Variants in DNAH8 observed in about 807,000 individuals in gnomAD.
DNAH8 encodes the protein dynein axonemal heavy chain 8.
A neutral mutation model predicts 562.1 loss-of-function variants in DNAH8; 382 were observed. The observed-to-expected ratio is 0.68, with a 90% CI of 0.63 to 0.74. The LOEUF (loss-of-function observed/expected upper bound fraction) is 0.74. Ranked by LOEUF, DNAH8 falls within the 30% of genes least tolerant of loss-of-function variation. DNAH8 has a pLI of 0.00. For missense variants in DNAH8, 5,203 were observed against 5,620.4 expected (o/e 0.93, Z 2.37); for synonymous variants, 1,881 against 1,919.4 (o/e 0.98, Z 0.52).
At chr6:38,842,627 A>G (rs774222061) in intron 34 of DNAH8, 36 bp from the exon 35 acceptor site, 10 of 1,601,114 alleles carry the variant, frequency 6.2e-6, no homozygotes, top group Non-Finnish European at 8.5e-6. Context: ...AATAAATGTG[A>G]AGGTGGCATA....
chr6:38,964,414 C>G (rs534459353), intron 82 of DNAH8, among the ~76,000 whole-genome samples: 1 of 141,848 alleles, frequency 7.0e-6, no homozygotes, highest in Non-Finnish European at 1.5e-5. Flanking sequence ...GGGCTCCTCA[C>G]TTCCCAGTAG....
Position 39,012,221 on chromosome 6 carries a change from T to A in DNAH8, c.13378T>A (p.Ser4460Thr), listed in dbSNP as rs1488366198. The A allele has an allele frequency of 3.1e-6, 5 of 1,602,278 alleles. No homozygotes were observed. The African/African-American group carries it at 4.0e-5, about 13-fold the overall frequency. Residue 4460 changes from serine to threonine, a missense_variant, in exon 90 of 93, where the codon TCT becomes ACT. Transcript: ENST00000327475. ...ATTGTTTACTTTGTTTTAGGTGAAA[T>A]CTCGTTTGATAAAGATGGGCCATCT... is the stretch of plus-strand genomic sequence containing the variant. ...PPDYIPHEVK[S>T]RLIKMGHLNS...
At chr6:38,903,109 G>A (rs1404325463) in intron 62 of DNAH8, among the ~76,000 whole-genome samples, 2 of 152,120 alleles carry the variant, frequency 1.3e-5, no homozygotes. Flanking sequence ...GGAGCAATAG[G>A]CCATTCCATA....
chr6:38,954,906 TTTAAAAC>T (rs1380931191), intron 82 of DNAH8, among the ~76,000 whole-genome samples: 1 of 152,224 alleles, frequency 6.6e-6, no homozygotes, highest in Non-Finnish European at 1.5e-5. Flanking sequence ...TGATAAGTCC[TTTAAAAC>T]TTTCAAGGAC....
chr6:38,726,851 GTTTT>G (rs58557655), intron 3 of DNAH8, among the ~76,000 whole-genome samples: 1 of 63,274 alleles, frequency 1.6e-5, no homozygotes, highest in African/African-American at 6.7e-5. Flanking sequence ...GTATTCTTTA[GTTTT>G]TTTTTTTTTT....
intron 21 of DNAH8, among the ~76,000 whole-genome samples, chr6:38,800,396 C>T (rs1770682342): frequency 6.6e-6 from 1 of 150,854 alleles, no homozygotes; most frequent in Non-Finnish European, 1.5e-5. Flanking sequence ...TACATCCATG[C>T]CAACACTTGC....
intron 26 of DNAH8, among the ~76,000 whole-genome samples, chr6:38,821,120 A>T (rs1280086002): frequency 6.6e-6 from 1 of 152,278 alleles, no homozygotes; most frequent in East Asian, 1.9e-4. Flanking sequence ...ACACAAAAAA[A>T]CCCCATTAGA....
rs1173391371 is a variant in DNAH8, at chr6:38,926,064, TG to T, written c.10977del (p.Leu3660TyrfsTer17). 1 of 1,612,920 alleles carries T rather than the reference TG, an allele frequency of 6.2e-7. No individual in the cohort carries two copies. The highest frequency in any genetic ancestry group is 1.1e-5 in the South Asian group (1 of 90,792). ...ATTTCCTGTTGTTCAGATTGGTGAGTGGGGGCTACAGGGATTACCAGGAGAT... is the reference window on the plus strand; with the variant it reads ...ATTTCCTGTTGTTCAGATTGGTGAGTGGGGCTACAGGGATTACCAGGAGAT... Reference protein sequence around the residue: ...MLVDPPTIGEWGLQGLPGDDL... With the variant: ...MLVDPPTIGEXGLQGLPGDDL... On this transcript the variant is annotated frameshift_variant, in exon 74 of 93. Coordinates refer to ENST00000327475, the MANE Select transcript of DNAH8 (RefSeq NM_001206927.2). LOFTEE classifies it high-confidence loss of function.
intron 44 of DNAH8, 31 bp downstream of exon 44, chr6:38,862,489 G>T: frequency 1.9e-6 from 3 of 1,572,998 alleles, no homozygotes; most frequent in Non-Finnish European, 2.6e-6. Context: ...ATTATTTTAG[G>T]TGAATTTATT....
intron 88 of DNAH8, 35 bp downstream of exon 88, chr6:38,990,207 AT>A (rs1764687044): frequency 1.4e-6 from 2 of 1,448,620 alleles, no homozygotes; most frequent in East Asian, 4.6e-5. Context: ...TGAAGGGGTC[AT>A]TTGTAACTCA....
At chr6:38,864,786 G>A (rs1776917339) in intron 45 of DNAH8, among the ~76,000 whole-genome samples, 2 of 152,286 alleles carry the variant, frequency 1.3e-5, no homozygotes, top group African/African-American at 4.8e-5. Flanking sequence ...TTATAGCTAT[G>A]ATAGCCCTCT....
At chr6:38,735,272 T>C (rs564612053) in intron 5 of DNAH8, among the ~76,000 whole-genome samples, 7 of 152,368 alleles carry the variant, frequency 4.6e-5, no homozygotes, top group Middle Eastern at 6.8e-3. Flanking sequence ...CTCTTTGTTA[T>C]TCTTAGAGAG....
chr6:38,837,935 GT>G lies in DNAH8; in HGVS notation c.4366-5del. On this transcript the variant is annotated splice_region_variant and splice_polypyrimidine_tract_variant and intron_variant, in intron 32 of 92. Transcript: ENST00000327475. Reference sequence around the variant, plus strand: ...ATTTTAGTACAATTTAAAAACCTTTGTTACAGGCCAGTTTCGATGATCTGTG... The same window carrying G: ...ATTTTAGTACAATTTAAAAACCTTTGTACAGGCCAGTTTCGATGATCTGTG... 6.3e-7 allele frequency: 1 copy of G among 1,595,200 alleles called. No homozygotes were observed. Among genetic ancestry groups the G allele is most frequent in the Non-Finnish European group, 8.6e-7 (1 of 1,166,878 alleles).
At chr6:38,872,392 AAC>A (rs1279167952) in intron 49 of DNAH8, 142 bp from the exon 50 acceptor site, 4 of 868,148 alleles carry the variant, frequency 4.6e-6, no homozygotes, top group Non-Finnish European at 7.0e-6. Context: ...CATCTAGTAA[AAC>A]AACATTTTTT....
chr6:38,815,347 A>G (rs1562880391), intron 25 of DNAH8, 121 bp from the exon 26 acceptor site: 1 of 656,266 alleles, frequency 1.5e-6, no homozygotes. Context: ...CTCCCCCTCA[A>G]ATCAGCCTTG....
chr6:38,830,629 T>C (rs1773753600), intron 30 of DNAH8, among the ~76,000 whole-genome samples: 1 of 94,612 alleles, frequency 1.1e-5, no homozygotes, highest in Admixed American at 1.3e-4. Context: ...AGCAAGACTC[T>C]ATCTCAAAAA....
intron 1 of DNAH8, among the ~76,000 whole-genome samples, chr6:38,716,384 A>T (rs916147051): frequency 6.6e-6 from 1 of 152,052 alleles, no homozygotes; most frequent in African/African-American, 2.4e-5. Flanking sequence ...CACTGAATTT[A>T]CCACTTTTCC....
At chr6:38,768,819 A>G (rs1214286950) in intron 11 of DNAH8, among the ~76,000 whole-genome samples, 1 of 152,046 alleles carries the variant, frequency 6.6e-6, no homozygotes, top group Admixed American at 6.6e-5. Context: ...ACAACTTATC[A>G]TCTTCCTAGG....
intron 85 of DNAH8, among the ~76,000 whole-genome samples, chr6:38,979,059 G>C (rs1763867430): frequency 6.6e-6 from 1 of 152,238 alleles, no homozygotes; most frequent in Non-Finnish European, 1.5e-5. Context: ...TACTGCAGTA[G>C]AACCTTCTGT....
Sources: gnomAD v4.1 joint callset for allele counts (sites outside exome capture counted in the v4.1 genomes callset) on GRCh38, gnomAD v4.1.1 for gene constraint, MANE v1.5 for transcripts, NCBI Gene and HGNC (gene_info 2026-07-23, HGNC 2026-07-21) for gene names.